The following NHS variants were observed in gnomAD, a reference collection of about 807,000 sequenced individuals.
The protein encoded by NHS is NHS actin remodeling regulator, also known as actin remodeling regulator NHS.
In NHS, 5 loss-of-function variants were observed where a neutral mutation model predicts 72.5. The ratio of observed to expected loss-of-function variants is 0.07; its 90% CI spans 0.04 to 0.14. NHS has a LOEUF of 0.14. NHS is among the 10% of genes least tolerant of loss of function. The probability of loss-of-function intolerance (pLI) is 1.00; values close to 1 mark genes in which losing one functional copy is unlikely to be tolerated. For missense variants in NHS, 1,072 were observed against 1,355.7 expected (o/e 0.79, Z 3.29); for synonymous variants, 464 against 547.7 (o/e 0.85, Z 2.13).
At chrX:17,677,795 A>G (rs1226496663) in intron 1 of NHS, among the ~76,000 whole-genome samples, 5 of 111,596 alleles carry the variant, frequency 4.5e-5, no homozygotes. Flanking sequence ...TTGATTCACA[A>G]AGGAAAATTC....
At chrX:17,639,884 C>A in intron 1 of NHS, among the ~76,000 whole-genome samples, 1 of 112,445 alleles carries the variant, frequency 8.9e-6, no homozygotes, top group South Asian at 3.8e-4. Flanking sequence ...CCAACTCTTT[C>A]TTGTGGAGTG....
intron 1 of NHS, among the ~76,000 whole-genome samples, chrX:17,671,536 C>T (rs895681763): frequency 6.2e-5 from 7 of 112,663 alleles, no homozygotes; most frequent in Non-Finnish European, 1.3e-4. Context: ...CAACATTAGA[C>T]AACCTTATTA....
rs1247574716 is a variant in NHS, at chrX:17,682,794, C to T, written c.566-4948C>T. On this transcript the variant is annotated intron_variant, in intron 1 of 8. Coordinates refer to ENST00000676302, the MANE Select transcript of NHS (RefSeq NM_001291867.2). ...CTCCCGGGGGCATAAAGCTGTAAGG[C>T]AATGGGATGCTCACAAGGCTAGGAA... Among the ~76,000 whole-genome samples the T allele has an allele frequency of 2.7e-5, 3 of 110,829 alleles. No homozygotes were observed. In the East Asian group the frequency reaches 8.5e-4, roughly 31 times the overall value.
chrX:17,648,006 A>G (rs768791246), intron 1 of NHS, among the ~76,000 whole-genome samples: 5 of 110,444 alleles, frequency 4.5e-5, no homozygotes, highest in African/African-American at 1.6e-4. Flanking sequence ...TCTTTAGTTT[A>G]TGATCCTTGT....
chrX:17,589,983 C>G (rs752023814), intron 1 of NHS, among the ~76,000 whole-genome samples: 1 of 111,776 alleles, frequency 8.9e-6, no homozygotes, highest in East Asian at 2.8e-4. Flanking sequence ...TGTATATCTT[C>G]TTTTGAGAAT....
intron 1 of NHS, among the ~76,000 whole-genome samples, chrX:17,444,969 A>C (rs2064771872): frequency 9.2e-6 from 1 of 108,699 alleles, no homozygotes; most frequent in African/African-American, 3.3e-5. Flanking sequence ...TTTCACCCCC[A>C]GTTTATACTA....
At chrX:17,603,949 C>T (rs150421172) in intron 1 of NHS, among the ~76,000 whole-genome samples, 1,382 of 111,271 alleles carry the variant, frequency 0.012, 42 homozygotes, top group Admixed American at 0.072. Flanking sequence ...TCTTTGATGA[C>T]CTCTTATCTT....
intron 1 of NHS, among the ~76,000 whole-genome samples, chrX:17,601,866 A>G (rs1190867833): frequency 1.8e-5 from 2 of 112,173 alleles, no homozygotes; most frequent in East Asian, 5.6e-4. Context: ...CCTCTTTTAC[A>G]TAAAAGGACA....
intron 1 of NHS, among the ~76,000 whole-genome samples, chrX:17,433,681 G>C (rs1490048729): frequency 9.0e-6 from 1 of 111,639 alleles, no homozygotes; most frequent in Non-Finnish European, 1.9e-5. Context: ...GACCAAACTG[G>C]AAAGTAGAGA....
chrX:17,652,110 G>C (rs1252802379), intron 1 of NHS, among the ~76,000 whole-genome samples: 1 of 112,313 alleles, frequency 8.9e-6, no homozygotes, highest in Non-Finnish European at 1.9e-5. Context: ...TTGCAACAGA[G>C]ACTACATAGC....
chrX:17,467,008 T>G (rs2064873440), intron 1 of NHS, among the ~76,000 whole-genome samples: 1 of 111,840 alleles, frequency 8.9e-6, no homozygotes, highest in Non-Finnish European at 1.9e-5. Context: ...TACTGGCTCC[T>G]GTACTCAGCA....
intron 1 of NHS, among the ~76,000 whole-genome samples, chrX:17,521,762 G>A (rs2065149975): frequency 8.9e-6 from 1 of 112,362 alleles, no homozygotes; most frequent in South Asian, 3.6e-4. Flanking sequence ...AATTTTTGCT[G>A]CTTAATTTTC....
chrX:17,707,575 A>T (rs1346070586), intron 3 of NHS, among the ~76,000 whole-genome samples: 1 of 111,869 alleles, frequency 8.9e-6, no homozygotes, highest in Non-Finnish European at 1.9e-5. Context: ...AGTCTTAGTC[A>T]TAGTTCAGAG....
intron 1 of NHS, among the ~76,000 whole-genome samples, chrX:17,511,794 A>G (rs1380794537): frequency 9.0e-6 from 1 of 111,094 alleles, no homozygotes; most frequent in African/African-American, 3.3e-5. Context: ...TGGGATTTCC[A>G]TCTATTTACA....
chrX:17,546,090 A>C (rs933096612), intron 1 of NHS, among the ~76,000 whole-genome samples: 1 of 112,047 alleles, frequency 8.9e-6, no homozygotes, highest in Admixed American at 9.4e-5. Flanking sequence ...ACACCTGAGG[A>C]GGAAGTGCTG....
intron 1 of NHS, among the ~76,000 whole-genome samples, chrX:17,515,231 G>A (rs142570260): frequency 1.3e-4 from 15 of 112,003 alleles, no homozygotes; most frequent in Non-Finnish European, 2.8e-4. Flanking sequence ...CATGCTTCAT[G>A]TGTTACTGAC....
chrX:17,491,596 CTT>C (rs1307953845), intron 1 of NHS, among the ~76,000 whole-genome samples: 11 of 110,763 alleles, frequency 9.9e-5, no homozygotes, highest in African/African-American at 3.3e-4. Flanking sequence ...TTTGTTGTGT[CTT>C]TGCCAGGCTT....
intron 1 of NHS, among the ~76,000 whole-genome samples, chrX:17,472,965 T>C (rs144698265): frequency 1.3e-3 from 149 of 112,434 alleles, no homozygotes; most frequent in Non-Finnish European, 2.4e-3. Flanking sequence ...AGACCATGGA[T>C]TAAGTACAAA....
In NHS at chrX:17,723,203, C is replaced by T. The variant is rs185980650; in HGVS notation, c.1109-1096C>T. 4.0e-3 allele frequency among the ~76,000 whole-genome samples: 448 copies of T among 112,022 alleles called. 3 individuals are homozygous for T. Among genetic ancestry groups the T allele is most frequent in the African/African-American group, 0.014 (417 of 30,782 alleles). On this transcript the variant is annotated intron_variant, in intron 5 of 8. Coordinates refer to ENST00000676302, the MANE Select transcript of NHS (RefSeq NM_001291867.2). Reference sequence around the variant, plus strand: ...GTTCTAGAAACTGTTGGCACTGTGACGTTAAACAGAACTCAACTCTTTCAT... The same window carrying T: ...GTTCTAGAAACTGTTGGCACTGTGATGTTAAACAGAACTCAACTCTTTCAT...
Sources: gnomAD v4.1 joint callset for allele counts (sites outside exome capture counted in the v4.1 genomes callset) on GRCh38, gnomAD v4.1.1 for gene constraint, MANE v1.5 for transcripts, NCBI Gene and HGNC (gene_info 2026-07-23, HGNC 2026-07-21) for gene names.